Variants in ITPR2 observed in about 807,000 individuals in gnomAD.
ITPR2 encodes inositol 1,4,5-trisphosphate-gated calcium channel ITPR2.
Under a neutral mutation model 317.1 loss-of-function variants are expected in ITPR2, and 207 were observed. The ratio of observed to expected loss-of-function variants is 0.65; its 90% confidence interval spans 0.58 to 0.73. ITPR2 has a LOEUF of 0.73. Among genes scored for constraint, ITPR2 ranks in the 30% least tolerant of loss-of-function variants. The pLI is 0.00. For missense variants in ITPR2, 2,613 were observed against 3,284.0 expected (o/e 0.80, Z 4.99); for synonymous variants, 1,156 against 1,149.1 (o/e 1.01, Z -0.12).
chr12:26,462,658 A>G (rs537094247), intron 45 of ITPR2, among the ~76,000 whole-genome samples: 1 of 146,514 alleles, frequency 6.8e-6, no homozygotes, highest in East Asian at 2.0e-4. Flanking sequence ...TCAGCTATAT[A>G]GTTAAGCTTT....
At chr12:26,485,537 A>G (rs1014721522) in intron 41 of ITPR2, among the ~76,000 whole-genome samples, 4 of 152,252 alleles carry the variant, frequency 2.6e-5, no homozygotes, top group Non-Finnish European at 5.9e-5. Flanking sequence ...TCAGAAATTC[A>G]TAGGCAATCC....
rs897033319 is a variant in ITPR2 at position 26,624,150 on chromosome 12, A to G, written c.3122+149T>C. On this transcript the variant is annotated intron_variant, in intron 24 of 56. Coordinates refer to ENST00000381340, the MANE Select transcript of ITPR2 (RefSeq NM_002223.4). ...TATGCTTTCTCCTCCAGAGTAAATTAGCAGCTTCATTTCTGGCAGAAATTA... is the reference window on the plus strand; with the variant it reads ...TATGCTTTCTCCTCCAGAGTAAATTGGCAGCTTCATTTCTGGCAGAAATTA... 1.7e-5 allele frequency: 10 copies of G among 576,026 alleles called. No individual in the cohort carries two copies. The African/African-American group carries it at 2.0e-4, about 11-fold the overall frequency. The allele number at this position is 576,026 out of a possible 1,614,324, so 35.7% of individuals were successfully genotyped here. A position where few individuals can be genotyped will look rare whatever the true frequency, so the allele number is the denominator to read the frequency against.
At chr12:26,493,018 G>T (rs1942847610) in intron 39 of ITPR2, among the ~76,000 whole-genome samples, 1 of 151,568 alleles carries the variant, frequency 6.6e-6, no homozygotes, top group Admixed American at 6.6e-5. Flanking sequence ...ATTTTAAAAA[G>T]TCCCAACTGA....
chr12:26,685,601 A>G (rs933364159), intron 11 of ITPR2, among the ~76,000 whole-genome samples: 1 of 152,170 alleles, frequency 6.6e-6, no homozygotes, highest in African/African-American at 2.4e-5. Context: ...TGTCTCAAAA[A>G]AGATAAATAA....
At position 26,352,510 on chromosome 12, in the gene ITPR2, G is replaced by A. The variant is rs183436156; in HGVS notation, c.7858-12182C>T. ...TCTCTCCCTAAGATAACGAGAGTCA[G>A]TTGCTGTTGTTTGCAACATAGAACC... On this transcript the variant is annotated intron_variant, in intron 55 of 56. Transcript: ENST00000381340. Among the ~76,000 whole-genome samples, 512 of 152,334 alleles carry A rather than the reference G, an allele frequency of 3.4e-3. 1 individual carries two copies. The highest frequency in any genetic ancestry group is 0.012 in the African/African-American group (490 of 41,566).
At chr12:26,403,363 T>TG (rs960085473) in intron 52 of ITPR2, among the ~76,000 whole-genome samples, 2 of 152,196 alleles carry the variant, frequency 1.3e-5, no homozygotes, top group African/African-American at 4.8e-5. Flanking sequence ...GGGGAGGCAC[T>TG]GGAAGACTTT....
intron 44 of ITPR2, 99 bp downstream of exon 44, chr12:26,476,813 G>A (rs1942427267): frequency 5.7e-6 from 4 of 698,244 alleles, no homozygotes; most frequent in Non-Finnish European, 1.0e-5. Flanking sequence ...TCTTGGTAGA[G>A]CAATGAAAAT....
At position 26,475,385 on chromosome 12, in the gene ITPR2, A is replaced by G. The variant is rs1942393759; in HGVS notation, c.6253T>C (p.Leu2085=). The change falls in exon 45 of 57, where the codon TTG becomes CTG. Residue 2085 remains leucine, a synonymous_variant. Coordinates refer to ENST00000381340, the MANE Select transcript of ITPR2 (RefSeq NM_002223.4). The part of the protein sequence containing the change: ...DVMKNAYNQG[L]ECDHGDDEGG... ...TCATCATCCCCATGGTCACATTCCAATCCTTGGTTATAGGCATTCTTCATC... is the reference window on the plus strand; with the variant it reads ...TCATCATCCCCATGGTCACATTCCAGTCCTTGGTTATAGGCATTCTTCATC... 9.9e-6 allele frequency: 16 copies of G among 1,613,734 alleles called. No homozygotes were observed. In the East Asian group the frequency reaches 1.3e-4, roughly 13 times the overall value.
At chr12:26,618,322 T>G (rs1159114475) in intron 26 of ITPR2, among the ~76,000 whole-genome samples, 1 of 152,204 alleles carries the variant, frequency 6.6e-6, no homozygotes, top group Non-Finnish European at 1.5e-5. Flanking sequence ...TTGAAGTGAA[T>G]GAATATTTTT....
intron 45 of ITPR2, among the ~76,000 whole-genome samples, chr12:26,457,986 T>G (rs1941931743): frequency 6.6e-6 from 1 of 152,212 alleles, no homozygotes; most frequent in Non-Finnish European, 1.5e-5. Flanking sequence ...AGGAGCATGC[T>G]CACTAAGGGT....
At chr12:26,725,796 A>G (rs1389452892) in intron 2 of ITPR2, 31 bp from the exon 3 acceptor site, 1 of 1,379,436 alleles carries the variant, frequency 7.2e-7, no homozygotes, top group Non-Finnish European at 1.0e-6. Flanking sequence ...AAAACACTGT[A>G]ACTAAGGCTA....
chr12:26,819,977 A>G (rs928094332), intron 1 of ITPR2, among the ~76,000 whole-genome samples: 5 of 152,174 alleles, frequency 3.3e-5, no homozygotes, highest in African/African-American at 1.2e-4. Context: ...AGGCTGAGGC[A>G]GGAGAATTGC....
At chr12:26,751,314 A>G (rs992720554) in intron 2 of ITPR2, among the ~76,000 whole-genome samples, 1 of 152,246 alleles carries the variant, frequency 6.6e-6, no homozygotes, top group East Asian at 1.9e-4. Context: ...TAACAAACCT[A>G]CACATGTACC....
At chr12:26,677,933 G>T (rs1320801046) in intron 13 of ITPR2, among the ~76,000 whole-genome samples, 6 of 152,036 alleles carry the variant, frequency 3.9e-5, no homozygotes, top group African/African-American at 1.2e-4. Flanking sequence ...CTAGATCCTG[G>T]GCTCCTATCA....
chr12:26,597,005 G>A lies in ITPR2; in HGVS notation c.4132C>T (p.Leu1378=), dbSNP rs765590234. The A allele has an allele frequency of 6.2e-7, 1 of 1,613,932 alleles. No individual in the cohort carries two copies. Among genetic ancestry groups the A allele is most frequent in the Non-Finnish European group, 8.5e-7 (1 of 1,179,934 alleles). Reference sequence around the variant, plus strand: ...GTGCATGCTGCCAGCAACTCCACCAGGGTGATGTGGTAGGCTAAGGGGCCA... The same window carrying A: ...GTGCATGCTGCCAGCAACTCCACCAAGGTGATGTGGTAGGCTAAGGGGCCA... ...ESGPLAYHIT[L]VELLAACTEG... The change falls in exon 31 of 57, where the codon CTG becomes TTG. Residue 1378 remains leucine (L), a synonymous_variant. Transcript: ENST00000381340.
In ITPR2 at chr12:26,556,301, C is replaced by T. The variant is rs753365741; in HGVS notation, c.4896G>A (p.Leu1632=). The T allele has an allele frequency of 1.9e-6, 3 of 1,614,032 alleles. No homozygotes were observed. The highest frequency in any genetic ancestry group is 3.3e-5 in the Admixed American group (2 of 60,004). Residue 1632 remains leucine, a synonymous_variant, in exon 36 of 57, where the codon TTG becomes TTA. Coordinates refer to ENST00000381340, the MANE Select transcript of ITPR2 (RefSeq NM_002223.4). ...QAEFSVLVDV[L]YSPELLFPEG... The stretch of plus-strand genomic sequence containing the variant: ...CAGGGAACAGCAGTTCTGGACTGTA[C>T]AATACATCAACCAACACTGAGAATT...
intron 34 of ITPR2, among the ~76,000 whole-genome samples, chr12:26,567,522 C>A (rs1945009704): frequency 4.6e-5 from 7 of 152,088 alleles, no homozygotes; most frequent in Admixed American, 3.9e-4. Context: ...CTTTCCACAA[C>A]TGTAGGTAAA....
chr12:26,787,988 G>A (rs1239315065), intron 2 of ITPR2, among the ~76,000 whole-genome samples: 3 of 147,290 alleles, frequency 2.0e-5, no homozygotes, highest in Non-Finnish European at 3.0e-5. Flanking sequence ...GCAATGGCGC[G>A]ATCTCGGCTC....
At chr12:26,526,481 G>T (rs1943812122) in intron 37 of ITPR2, among the ~76,000 whole-genome samples, 3 of 152,152 alleles carry the variant, frequency 2.0e-5, no homozygotes, top group Admixed American at 2.0e-4. Context: ...GAAAGAGGTT[G>T]AAAAGATGGC....
Sources: gnomAD v4.1 joint callset for allele counts (sites outside exome capture counted in the v4.1 genomes callset) on GRCh38, gnomAD v4.1.1 for gene constraint, MANE v1.5 for transcripts, NCBI Gene and HGNC (gene_info 2026-07-23, HGNC 2026-07-21) for gene names.